Variants in PTPN12 observed in about 807,000 individuals in gnomAD.
PTPN12 encodes the protein tyrosine-protein phosphatase non-receptor type 12.
In PTPN12, 29 loss-of-function variants were observed where a neutral mutation model predicts 97.6. That is an observed-to-expected ratio of 0.30 (90% CI 0.22 to 0.41). The LOEUF is 0.41. Among genes scored for constraint, PTPN12 ranks in the 10% least tolerant of loss-of-function variants. The pLI, the probability that PTPN12 is intolerant of heterozygous loss-of-function variation, is 1.00. For synonymous variants in PTPN12, 327 were observed against 300.4 expected (o/e 1.09, Z -0.91); for missense variants, 819 against 926.0 (o/e 0.88, Z 1.50).
chr7:77,610,986 G>A lies in PTPN12; in HGVS notation c.879G>A (p.Leu293=). The A allele has an allele frequency of 6.2e-7, 1 of 1,613,386 alleles. No homozygotes were observed. The highest frequency in any genetic ancestry group is 1.1e-5 in the South Asian group (1 of 90,962). Residue 293 remains leucine, a synonymous_variant, in exon 11 of 18, where the codon CTG becomes CTA. Coordinates refer to ENST00000248594, the MANE Select transcript of PTPN12 (RefSeq NM_002835.4). The part of the protein sequence containing the change: ...YELVHRAIAQ[L]FEKQLQLYEI... The stretch of plus-strand genomic sequence containing the variant: ...TTGTTCATAGAGCTATTGCCCAACT[G>A]TTTGAAAAACAGCTACAACTATATG...
At chr7:77,564,765 T>TG (rs1808183159) in intron 1 of PTPN12, among the ~76,000 whole-genome samples, 1 of 110,542 alleles carries the variant, frequency 9.0e-6, no homozygotes, top group African/African-American at 3.4e-5. Context: ...TTTTTTTTTT[T>TG]TTTTTTTTTT....
chr7:77,562,361 G>A (rs1382018196), intron 1 of PTPN12, among the ~76,000 whole-genome samples: 1 of 152,072 alleles, frequency 6.6e-6, no homozygotes, highest in Non-Finnish European at 1.5e-5. Flanking sequence ...CCTGCTGTAT[G>A]TTTTTATTAT....
chr7:77,576,132 G>T (rs1238903583), intron 2 of PTPN12, among the ~76,000 whole-genome samples: 4 of 152,196 alleles, frequency 2.6e-5, no homozygotes. Flanking sequence ...GGGATTACAG[G>T]CTTGAGCCAC....
rs569559302 is a variant in PTPN12 at position 77,556,289 on chromosome 7, C to T, written c.100-14789C>T. ...TGTTGCCCAGGCTGGTCTCGAACTCCTGGGCTGAAGAGACCTGCCTACCTC... is the reference window on the plus strand; with the variant it reads ...TGTTGCCCAGGCTGGTCTCGAACTCTTGGGCTGAAGAGACCTGCCTACCTC... On this transcript the variant is annotated intron_variant, in intron 1 of 17. Coordinates refer to ENST00000248594, the MANE Select transcript of PTPN12 (RefSeq NM_002835.4). 5.9e-5 allele frequency among the ~76,000 whole-genome samples: 9 copies of T among 152,164 alleles called. No homozygotes were observed. The East Asian group carries it at 1.6e-3, about 26-fold the overall frequency.
intron 5 of PTPN12, among the ~76,000 whole-genome samples, chr7:77,591,948 T>C (rs1222879711): frequency 6.6e-6 from 1 of 152,180 alleles, no homozygotes; most frequent in Non-Finnish European, 1.5e-5. Context: ...CAGATAGCAA[T>C]GAACAGTTAT....
At chr7:77,562,184 G>T (rs1004279133) in intron 1 of PTPN12, among the ~76,000 whole-genome samples, 3 of 152,130 alleles carry the variant, frequency 2.0e-5, no homozygotes, top group Non-Finnish European at 4.4e-5. Flanking sequence ...CTCCCGAGTA[G>T]CTGGCATTAC....
At chr7:77,626,009 C>T (rs1297584382) in intron 12 of PTPN12, among the ~76,000 whole-genome samples, 1 of 152,162 alleles carries the variant, frequency 6.6e-6, no homozygotes, top group Non-Finnish European at 1.5e-5. Context: ...CTGTGATGGA[C>T]TAGGGAACCA....
chr7:77,627,671 A>C lies in PTPN12; in HGVS notation c.1992A>C (p.Glu664Asp), dbSNP rs199613692. ...NIAGTTHSGAEKDVDVSEDSP... is the reference protein window; with the variant it reads ...NIAGTTHSGADKDVDVSEDSP... ...CAGGAACAACACATTCAGGTGCTGAAAAAGGTAATAATATAGTGTCAAATA... is the reference window on the plus strand; with the variant it reads ...CAGGAACAACACATTCAGGTGCTGACAAAGGTAATAATATAGTGTCAAATA... Residue 664 changes from glutamate to aspartate, a missense_variant, in exon 13 of 18, where the codon GAA becomes GAC. Around this residue, in one of 5 missense-constraint regions of PTPN12, gnomAD observed 607 missense variants for 577.3 expected, o/e 1.05. Transcript: ENST00000248594. 1.1e-5 allele frequency: 17 copies of C among 1,563,408 alleles called. No individual in the cohort carries two copies. In the Admixed American group the frequency reaches 3.2e-4, roughly 30 times the overall value.
At chr7:77,555,881 C>T (rs1807688423) in intron 1 of PTPN12, among the ~76,000 whole-genome samples, 1 of 151,968 alleles carries the variant, frequency 6.6e-6, no homozygotes, top group Non-Finnish European at 1.5e-5. Context: ...CACCATTGCA[C>T]TCCAGCCTGG....
chr7:77,546,671 C>T (rs1807233518), intron 1 of PTPN12, among the ~76,000 whole-genome samples: 1 of 152,114 alleles, frequency 6.6e-6, no homozygotes, highest in Admixed American at 6.5e-5. Flanking sequence ...AGTCCATTTT[C>T]ACACTGCTAT....
intron 1 of PTPN12, among the ~76,000 whole-genome samples, chr7:77,562,581 A>G (rs1342614604): frequency 2.6e-5 from 4 of 152,196 alleles, no homozygotes; most frequent in East Asian, 1.9e-4. Context: ...GTGATTTACT[A>G]TAGGGACAAA....
At chr7:77,538,206 C>T (rs1004726772) in intron 1 of PTPN12, 20 of 564,296 alleles carry the variant, frequency 3.5e-5, no homozygotes, top group Non-Finnish European at 1.3e-5. Context: ...ATCTCCAACG[C>T]TTGGGAAAGG....
chr7:77,609,493 C>G (rs1343264933), intron 9 of PTPN12, among the ~76,000 whole-genome samples: 3 of 151,556 alleles, frequency 2.0e-5, no homozygotes, highest in Admixed American at 2.0e-4. Flanking sequence ...TGGTCTCAAA[C>G]TCCTGACCTC....
intron 1 of PTPN12, among the ~76,000 whole-genome samples, chr7:77,552,462 C>T (rs1236786967): frequency 6.6e-6 from 1 of 151,990 alleles, no homozygotes; most frequent in African/African-American, 2.4e-5. Flanking sequence ...CTAAAATGAC[C>T]TCATCATTTA....
intron 12 of PTPN12, among the ~76,000 whole-genome samples, chr7:77,621,071 A>T (rs188647408): frequency 8.1e-4 from 123 of 151,322 alleles, no homozygotes; most frequent in East Asian, 3.1e-3. Context: ...TATATATATA[A>T]AAATATGTGT....
At chr7:77,579,836 T>C (rs1196304799) in intron 2 of PTPN12, among the ~76,000 whole-genome samples, 1 of 152,128 alleles carries the variant, frequency 6.6e-6, no homozygotes, top group Non-Finnish European at 1.5e-5. Flanking sequence ...AACCAATAAA[T>C]AGATTAAAAC....
At chr7:77,570,586 T>C (rs1808430746) in intron 1 of PTPN12, among the ~76,000 whole-genome samples, 1 of 152,244 alleles carries the variant, frequency 6.6e-6, no homozygotes, top group South Asian at 2.1e-4. Flanking sequence ...AATTGGTCTT[T>C]GTTGGACATT....
intron 4 of PTPN12, among the ~76,000 whole-genome samples, chr7:77,584,139 G>T (rs1362293860): frequency 6.6e-6 from 1 of 151,882 alleles, no homozygotes; most frequent in African/African-American, 2.4e-5. Flanking sequence ...TAGAAGCAGA[G>T]AAATTAGAAT....
chr7:77,625,474 T>TCG (rs761174867), intron 12 of PTPN12, among the ~76,000 whole-genome samples: 398 of 29,148 alleles, frequency 0.014, 42 homozygotes, highest in African/African-American at 0.027. Context: ...GGCTGCTCGC[T>TCG]CTCTCTCTCT....
Sources: allele counts gnomAD v4.1 joint callset (sites outside exome capture counted in the v4.1 genomes callset), GRCh38; gene constraint gnomAD v4.1.1; regional missense constraint gnomAD v4.1.1; transcripts MANE v1.5; gene names NCBI Gene and HGNC (gene_info 2026-07-23, HGNC 2026-07-21).